Variants in COL25A1 observed in about 807,000 individuals in gnomAD.
The protein encoded by COL25A1 is collagen type XXV alpha 1 chain.
COL25A1 carries 103 observed loss-of-function variants against 128.4 expected under a neutral mutation model. The ratio of observed to expected loss-of-function variants is 0.80; its 90% CI spans 0.68 to 0.94. COL25A1 has a LOEUF of 0.94. Among genes scored for constraint, COL25A1 ranks in the 40% least tolerant of loss-of-function variants. The probability of loss-of-function intolerance (pLI) is 0.00; values close to 1 mark genes in which losing one functional copy is unlikely to be tolerated. For synonymous variants in COL25A1, 279 were observed against 277.2 expected (o/e 1.01, Z -0.06); for missense variants, 745 against 840.0 (o/e 0.89, Z 1.40).
intron 26 of COL25A1, among the ~76,000 whole-genome samples, chr4:108,849,569 G>A (rs543636046): frequency 1.3e-5 from 2 of 152,244 alleles, no homozygotes; most frequent in African/African-American, 4.8e-5. Flanking sequence ...AACAGCAAAT[G>A]TTTAGTCACT....
At chr4:109,020,827 G>C (rs1337317038) in intron 5 of COL25A1, among the ~76,000 whole-genome samples, 1 of 151,942 alleles carries the variant, frequency 6.6e-6, no homozygotes, top group Non-Finnish European at 1.5e-5. Context: ...AAATTTTATT[G>C]GATACCTAAT....
At chr4:108,966,453 G>C (rs898470812) in intron 8 of COL25A1, among the ~76,000 whole-genome samples, 1 of 152,142 alleles carries the variant, frequency 6.6e-6, no homozygotes, top group African/African-American at 2.4e-5. Context: ...ATTTGAAATT[G>C]GCGTTGAGTC....
At chr4:109,065,770 A>G (rs528076234) in intron 3 of COL25A1, among the ~76,000 whole-genome samples, 1 of 152,292 alleles carries the variant, frequency 6.6e-6, no homozygotes, top group African/African-American at 2.4e-5. Context: ...ATCTCTGGTC[A>G]TTAGTCCTAG....
At chr4:109,123,316 AC>A (rs1380761295) in intron 3 of COL25A1, among the ~76,000 whole-genome samples, 1 of 151,962 alleles carries the variant, frequency 6.6e-6, no homozygotes, top group African/African-American at 2.4e-5. Context: ...TAAAAAAAAA[AC>A]AGGTTGTTTT....
chr4:108,892,454 T>C (rs764873678), intron 16 of COL25A1, among the ~76,000 whole-genome samples: 1 of 152,210 alleles, frequency 6.6e-6, no homozygotes, highest in South Asian at 2.1e-4. Flanking sequence ...CAGTCATTAA[T>C]TCATTCAACA....
chr4:109,205,947 G>A (rs1776949970), intron 3 of COL25A1, among the ~76,000 whole-genome samples: 1 of 151,992 alleles, frequency 6.6e-6, no homozygotes, highest in South Asian at 2.1e-4. Context: ...GCTGCTTTCT[G>A]CCCTGGAAAA....
intron 3 of COL25A1, among the ~76,000 whole-genome samples, chr4:109,082,357 C>T (rs1763919341): frequency 6.6e-6 from 1 of 152,154 alleles, no homozygotes. Context: ...TAAACTTGAT[C>T]TTTAATTATT....
At chr4:108,862,073 T>C (rs1201040458) in intron 22 of COL25A1, among the ~76,000 whole-genome samples, 2 of 152,120 alleles carry the variant, frequency 1.3e-5, no homozygotes, top group South Asian at 2.1e-4. Context: ...AAGAGTATGA[T>C]ATAGAGGAGA....
intron 3 of COL25A1, among the ~76,000 whole-genome samples, chr4:109,294,121 T>C (rs1724737488): frequency 6.6e-6 from 1 of 152,108 alleles, no homozygotes; most frequent in Non-Finnish European, 1.5e-5. Flanking sequence ...ATCTTTTTCA[T>C]TGCAAACAGA....
At chr4:108,988,380 T>G (rs929093009) in intron 6 of COL25A1, among the ~76,000 whole-genome samples, 1 of 152,206 alleles carries the variant, frequency 6.6e-6, no homozygotes, top group Non-Finnish European at 1.5e-5. Context: ...CACAGATATC[T>G]GTGTATCCAA....
chr4:108,910,739 A>G (rs1481445545), intron 13 of COL25A1, among the ~76,000 whole-genome samples: 2 of 152,226 alleles, frequency 1.3e-5, no homozygotes, highest in Non-Finnish European at 2.9e-5. Context: ...AAATGGAGAT[A>G]ATCATAGTGC....
At chr4:108,827,248 C>T (rs1042900443) in intron 32 of COL25A1, 60 bp from the exon 33 acceptor site, 17 of 1,380,480 alleles carry the variant, frequency 1.2e-5, no homozygotes, top group Admixed American at 1.7e-5. Flanking sequence ...CACACTTTCT[C>T]TCATGCCCTA....
At chr4:109,191,860 C>T (rs187947276) in intron 3 of COL25A1, among the ~76,000 whole-genome samples, 27 of 152,228 alleles carry the variant, frequency 1.8e-4, no homozygotes, top group Admixed American at 1.7e-3. Flanking sequence ...AATCTCTATG[C>T]TAGAGGAATT....
rs1368372226 is a variant in COL25A1, at chr4:108,921,187, C to A, written c.709-583G>T. On this transcript the variant is annotated intron_variant, in intron 11 of 37. Coordinates refer to ENST00000399132, the MANE Select transcript of COL25A1 (RefSeq NM_198721.4). ...ACCGAGTATATACTAGAAAAGGGAA[C>A]AAAAGATGCTGTCAATTGTTTCTTA... Among the ~76,000 whole-genome samples, 3 of 152,198 alleles carry A rather than the reference C, an allele frequency of 2.0e-5. No homozygotes were observed. In the Middle Eastern group the frequency reaches 0.01, roughly 518 times the overall value.
chr4:109,082,866 A>C lies in COL25A1; in HGVS notation c.368-32687T>G, dbSNP rs1042428842. On this transcript the variant is annotated intron_variant, in intron 3 of 37. Coordinates refer to ENST00000399132, the MANE Select transcript of COL25A1 (RefSeq NM_198721.4). ...TGTTGTACAGATTATTTCATCACCC[A>C]GGTACTAAGCCTAATACCCAATAGT... is the stretch of plus-strand genomic sequence containing the variant. 1.6e-4 allele frequency among the ~76,000 whole-genome samples: 24 copies of C among 152,184 alleles called. 1 individual carries two copies. Among genetic ancestry groups the C allele is most frequent in the African/African-American group, 4.8e-4 (20 of 41,436 alleles).
chr4:109,174,193 C>T (rs1305931884), intron 3 of COL25A1, among the ~76,000 whole-genome samples: 3 of 152,038 alleles, frequency 2.0e-5, no homozygotes, highest in Non-Finnish European at 4.4e-5. Flanking sequence ...AGTTTTATAC[C>T]TAAAAACATT....
chr4:108,910,535 G>A (rs1368655611), intron 13 of COL25A1, among the ~76,000 whole-genome samples: 1 of 152,146 alleles, frequency 6.6e-6, no homozygotes, highest in Non-Finnish European at 1.5e-5. Context: ...CTCAGAGAAG[G>A]TAAGCAATTT....
At chr4:109,103,325 G>A (rs1028795677) in intron 3 of COL25A1, among the ~76,000 whole-genome samples, 3 of 149,952 alleles carry the variant, frequency 2.0e-5, no homozygotes, top group Admixed American at 6.6e-5. Flanking sequence ...TAACTCTCTA[G>A]ACAAATTCAG....
intron 3 of COL25A1, among the ~76,000 whole-genome samples, chr4:109,135,496 A>C (rs1769648297): frequency 6.6e-6 from 1 of 152,156 alleles, no homozygotes; most frequent in Non-Finnish European, 1.5e-5. Flanking sequence ...CTCCACCTAG[A>C]TTAGAAGCAA....
Sources: allele counts gnomAD v4.1 joint callset (sites outside exome capture counted in the v4.1 genomes callset), GRCh38; gene constraint gnomAD v4.1.1; transcripts MANE v1.5; gene names NCBI Gene and HGNC (gene_info 2026-07-23, HGNC 2026-07-21).